PCDHGA5: variants seen among roughly 807,000 people sequenced by gnomAD.
The protein encoded by PCDHGA5 is protocadherin gamma subfamily A, 5.
A neutral mutation model predicts 56.7 loss-of-function variants in PCDHGA5; 36 were observed. That is an observed-to-expected ratio of 0.64 (90% CI 0.49 to 0.84). PCDHGA5 has a LOEUF of 0.84. Among genes scored for constraint, PCDHGA5 ranks in the 40% least tolerant of loss-of-function variants. PCDHGA5 has a pLI of 0.00. For missense variants in PCDHGA5, 1,305 were observed against 1,201.5 expected (o/e 1.09, Z -1.27); for synonymous variants, 563 against 520.2 (o/e 1.08, Z -1.12).
intron 1 of PCDHGA5, 91 bp from the exon 2 acceptor site, chr5:141,494,716 C>T (rs1448674271): frequency 3.7e-6 from 6 of 1,604,970 alleles, no homozygotes; most frequent in East Asian, 4.5e-5. Flanking sequence ...TGCCCACTCC[C>T]CTCCTTCTCT....
chr5:141,511,082 C>T lies in PCDHGA5; in HGVS notation c.2705C>T (p.Thr902Ile). Residue 902 changes from threonine to isoleucine, a missense_variant, in exon 4 of 4, where the codon ACA (threonine) becomes ATA (isoleucine). By Grantham distance (89) the Thr-to-Ile change is moderately conservative. Transcript: ENST00000518069. ...QNVYIPGSNA[T>I]LTNAAGKRDG... ...GTCTACATCCCAGGCAGCAATGCCA[C>T]ACTGACCAACGCAGCTGGCAAGCGG... 1 of 1,614,224 alleles carries T rather than the reference C, an allele frequency of 6.2e-7. No individual in the cohort carries two copies. Among genetic ancestry groups the T allele is most frequent in the Non-Finnish European group, 8.5e-7 (1 of 1,180,028 alleles).
intron 1 of PCDHGA5, chr5:141,478,831 G>C: frequency 7.0e-7 from 1 of 1,435,672 alleles, no homozygotes; most frequent in Non-Finnish European, 9.1e-7. Flanking sequence ...ATCTTGCTAA[G>C]GGATGGTTAA....
In PCDHGA5 at chr5:141,487,636, AC is replaced by A. The variant is rs1562120737; in HGVS notation, c.2422-7170del. On this transcript the variant is annotated intron_variant, in intron 1 of 3. Coordinates refer to ENST00000518069, the MANE Select transcript of PCDHGA5 (RefSeq NM_018918.3). The surrounding 1 kb of genome is among the most constrained non-coding windows in gnomAD (Gnocchi z 5.0). ...TAGAGGTGAGACCTTTGCAGGCTCA[AC>A]AAATGCTTGAGGGTTATTCTGATCC... 1 of 1,614,192 alleles carries A rather than the reference AC, an allele frequency of 6.2e-7. No individual in the cohort carries two copies. The highest frequency in any genetic ancestry group is 2.2e-5 in the East Asian group (1 of 44,886).
rs1404533394 is a variant in PCDHGA5, at chr5:141,491,708, G to T, written c.2422-3099G>T. ...CTGCGGGAGCGGAGCCAGGTGAGGG[G>T]CTCGGCGCCGCCCCGGGCGACCCCT... On this transcript the variant is annotated intron_variant, in intron 1 of 3. Transcript: ENST00000518069. The surrounding 1 kb of genome is among the most constrained non-coding windows in gnomAD (Gnocchi z 6.9). 1 of 1,610,132 alleles carries T rather than the reference G, an allele frequency of 6.2e-7. No individual in the cohort carries two copies. Among genetic ancestry groups the T allele is most frequent in the Admixed American group, 1.7e-5 (1 of 59,518 alleles).
intron 1 of PCDHGA5, among the ~76,000 whole-genome samples, chr5:141,453,261 A>G (rs1387512741): frequency 6.6e-6 from 1 of 152,028 alleles, no homozygotes; most frequent in Non-Finnish European, 1.5e-5. Context: ...CTGCAAGTGC[A>G]CACCACCATG....
At chr5:141,459,984 A>G (rs906041823) in intron 1 of PCDHGA5, among the ~76,000 whole-genome samples, 4 of 152,216 alleles carry the variant, frequency 2.6e-5, no homozygotes, top group Non-Finnish European at 5.9e-5. Flanking sequence ...AGGCTGAGAC[A>G]GGAGAATCGC....
intron 1 of PCDHGA5, chr5:141,394,811 C>T (rs1225635250): frequency 6.2e-7 from 1 of 1,613,888 alleles, no homozygotes; most frequent in African/African-American, 1.3e-5. Flanking sequence ...CCGTGGCTGA[C>T]AGCATCCCCG....
At chr5:141,370,392 G>C (rs773955179) in intron 1 of PCDHGA5, 2 of 1,544,790 alleles carry the variant, frequency 1.3e-6, no homozygotes, top group Non-Finnish European at 1.7e-6. Flanking sequence ...CGCAGAGAGC[G>C]GGATGGGAAA....
intron 1 of PCDHGA5, chr5:141,395,256 T>G: frequency 6.4e-7 from 1 of 1,554,392 alleles, no homozygotes; most frequent in East Asian, 2.3e-5. Flanking sequence ...AGTTCTTTGC[T>G]TGCTTTTAAT....
Position 141,376,232 on chromosome 5 carries a change from C to A in PCDHGA5, c.2421+9481C>A, listed in dbSNP as rs750982276. 6.7e-5 allele frequency: 108 copies of A among 1,614,106 alleles called. No homozygotes were observed. The highest frequency in any genetic ancestry group is 9.0e-5 in the Non-Finnish European group (106 of 1,180,056). ...CATCGTGCTGCTGGCGCTCAGACTG[C>A]AGCGCTGGCACAAGTCACGCCTGCT... is the stretch of plus-strand genomic sequence containing the variant. On this transcript the variant is annotated intron_variant, in intron 1 of 3. Coordinates refer to ENST00000518069, the MANE Select transcript of PCDHGA5 (RefSeq NM_018918.3).
intron 1 of PCDHGA5, among the ~76,000 whole-genome samples, chr5:141,402,570 C>G (rs947118867): frequency 1.3e-5 from 2 of 152,138 alleles, no homozygotes; most frequent in Admixed American, 1.3e-4. Flanking sequence ...TTATTTACAA[C>G]TCAGATATCT....
chr5:141,478,499 G>A (rs77463374), intron 1 of PCDHGA5: 18 of 1,612,728 alleles, frequency 1.1e-5, no homozygotes, highest in African/African-American at 2.7e-5. Context: ...CTGTGATCCG[G>A]TGTTCTATAG....
At chr5:141,422,989 C>T (rs777558098) in intron 1 of PCDHGA5, 1 of 1,614,232 alleles carries the variant, frequency 6.2e-7, no homozygotes, top group African/African-American at 1.3e-5. Flanking sequence ...ACCTGGCTAC[C>T]TGGTGACCAA....
At chr5:141,496,329 C>T (rs1435070517) in intron 2 of PCDHGA5, among the ~76,000 whole-genome samples, 2 of 152,186 alleles carry the variant, frequency 1.3e-5, no homozygotes, top group South Asian at 4.1e-4. Context: ...AGTTAGAAGT[C>T]AGGAGCCTGG....
intron 1 of PCDHGA5, chr5:141,478,595 T>A: frequency 6.4e-7 from 1 of 1,567,880 alleles, no homozygotes; most frequent in Non-Finnish European, 8.7e-7. Flanking sequence ...TTTTTATTCC[T>A]ACATCATATT....
At chr5:141,405,256 G>GATGTGATGCTCT (rs1316160577) in intron 1 of PCDHGA5, 2 of 1,614,050 alleles carry the variant, frequency 1.2e-6, no homozygotes, top group Non-Finnish European at 1.7e-6. Flanking sequence ...AGAGTCACCT[G>GATGTGATGCTCT]ATCTTCCCCC....
intron 1 of PCDHGA5, among the ~76,000 whole-genome samples, chr5:141,434,463 G>A (rs967685246): frequency 5.9e-5 from 9 of 152,192 alleles, no homozygotes; most frequent in Admixed American, 1.3e-4. Flanking sequence ...TGGGTTTACC[G>A]GAATGAGGGC....
chr5:141,393,087 C>T (rs1244090890), intron 1 of PCDHGA5: 1 of 1,613,628 alleles, frequency 6.2e-7, no homozygotes, highest in African/African-American at 1.3e-5. Flanking sequence ...CAGGATAGAT[C>T]GGGAGGAGCT....
chr5:141,439,013 A>T lies in PCDHGA5; in HGVS notation c.2422-55794A>T, dbSNP rs2098082221. 1.3e-5 allele frequency among the ~76,000 whole-genome samples: 2 copies of T among 151,700 alleles called. 1 individual carries two copies. The highest frequency in any genetic ancestry group is 1.3e-4 in the Admixed American group (2 of 15,214). On this transcript the variant is annotated intron_variant, in intron 1 of 3. Transcript: ENST00000518069. ...GGCTAAGGACCTGGTTTGTTTGTCA[A>T]ATTTTGAAAATAGATGCCTCAGTTC...
Sources: allele counts gnomAD v4.1 joint callset (sites outside exome capture counted in the v4.1 genomes callset), GRCh38; gene constraint gnomAD v4.1.1; non-coding constraint Gnocchi (gnomAD v3.1); transcripts MANE v1.5; gene names NCBI Gene and HGNC (gene_info 2026-07-23, HGNC 2026-07-21).